The following ZFAND3 variants were observed in gnomAD, a reference collection of about 807,000 sequenced individuals.
ZFAND3 encodes zinc finger AN1-type containing 3.
A neutral mutation model predicts 29.6 loss-of-function variants in ZFAND3; 10 were observed. The ratio of observed to expected loss-of-function variants is 0.34; its 90% CI spans 0.21 to 0.57. ZFAND3 has a LOEUF of 0.57. Among genes scored for constraint, ZFAND3 ranks in the 20% least tolerant of loss-of-function variants. ZFAND3 has a pLI of 0.86. For synonymous variants in ZFAND3, 128 were observed against 112.6 expected (o/e 1.14, Z -0.87); for missense variants, 230 against 304.5 (o/e 0.76, Z 1.82).
At chr6:38,072,136 TTCTCTCTC>T (rs56193979) in intron 3 of ZFAND3, among the ~76,000 whole-genome samples, 17 of 131,474 alleles carry the variant, frequency 1.3e-4, no homozygotes, top group African/African-American at 1.9e-4. Flanking sequence ...CATTTTCTGT[TTCTCTCTC>T]TCTCTCTCTC....
intron 1 of ZFAND3, among the ~76,000 whole-genome samples, chr6:37,836,991 C>T (rs532133024): frequency 6.6e-6 from 1 of 152,268 alleles, no homozygotes; most frequent in South Asian, 2.1e-4. Context: ...TTTCTGAAGT[C>T]TTTCCAATTG....
chr6:38,080,386 AG>A (rs1279934156), intron 3 of ZFAND3, among the ~76,000 whole-genome samples: 2 of 152,040 alleles, frequency 1.3e-5, no homozygotes, highest in Non-Finnish European at 2.9e-5. Context: ...AACGTTATTA[AG>A]CATTCACTGT....
At position 37,920,052 on chromosome 6, in the gene ZFAND3, C is replaced by CTTT. The variant is rs11389241; in HGVS notation, c.72-9888_72-9886dup. Among the ~76,000 whole-genome samples, 387 of 93,336 alleles carry CTTT rather than the reference C, an allele frequency of 4.1e-3. 7 individuals carry two copies. The highest frequency in any genetic ancestry group is 7.9e-3 in the African/African-American group (203 of 25,838). The allele number at this position is 93,336 out of a possible 152,430, so 61.2% of individuals were successfully genotyped here. ...TCTCACTTCCAGGTTTTTTTTGAAG[C>CTTT]TTTTTTTTTTTTTTTTTTTTTGGCC... On this transcript the variant is annotated intron_variant, in intron 1 of 5. Transcript: ENST00000287218.
chr6:37,934,258 C>G (rs1761654031), intron 2 of ZFAND3, among the ~76,000 whole-genome samples: 1 of 151,922 alleles, frequency 6.6e-6, no homozygotes, highest in Non-Finnish European at 1.5e-5. Context: ...TCTCAGCTCA[C>G]TGCAGCCTCT....
chr6:37,841,476 TTTTTGTTTTG>T (rs965804785), intron 1 of ZFAND3, among the ~76,000 whole-genome samples: 2 of 152,044 alleles, frequency 1.3e-5, no homozygotes, highest in African/African-American at 4.8e-5. Context: ...TGTTTTTAAG[TTTTTGTTTTG>T]TTTTGTTTTG....
intron 1 of ZFAND3, among the ~76,000 whole-genome samples, chr6:37,901,085 G>A (rs1010970701): frequency 7.2e-5 from 11 of 152,200 alleles, no homozygotes; most frequent in Admixed American, 7.2e-4. Flanking sequence ...TGAAAGATAG[G>A]CTACTGTGGT....
chr6:38,052,881 C>T (rs1286045663), intron 2 of ZFAND3, among the ~76,000 whole-genome samples: 1 of 151,632 alleles, frequency 6.6e-6, no homozygotes, highest in Non-Finnish European at 1.5e-5. Context: ...CTACTAAAAA[C>T]ACAAAACTTA....
intron 1 of ZFAND3, among the ~76,000 whole-genome samples, chr6:37,860,696 A>G (rs887550710): frequency 1.6e-5 from 2 of 124,926 alleles, no homozygotes; most frequent in Non-Finnish European, 3.3e-5. Flanking sequence ...TATACCATAT[A>G]TTTACTCTTC....
chr6:38,006,413 G>C (rs747282575), intron 2 of ZFAND3, among the ~76,000 whole-genome samples: 1 of 152,090 alleles, frequency 6.6e-6, no homozygotes, highest in African/African-American at 2.4e-5. Context: ...CTAATTAAGA[G>C]GCTGTCCTTT....
intron 1 of ZFAND3, among the ~76,000 whole-genome samples, chr6:37,872,425 A>G (rs1272813739): frequency 6.6e-6 from 1 of 152,084 alleles, no homozygotes; most frequent in Non-Finnish European, 1.5e-5. Context: ...CTGGAAGTGG[A>G]ACTTGTTTTT....
At chr6:38,142,259 G>T (rs1174634148) in intron 5 of ZFAND3, 2 of 471,360 alleles carry the variant, frequency 4.2e-6, no homozygotes, top group African/African-American at 4.0e-5. Flanking sequence ...TCTTTTCCAG[G>T]TGTTTCTCTG....
At chr6:38,100,609 A>G (rs944788668) in intron 4 of ZFAND3, among the ~76,000 whole-genome samples, 21 of 152,222 alleles carry the variant, frequency 1.4e-4, no homozygotes, top group African/African-American at 5.1e-4. Context: ...TACCAGCTAC[A>G]AACATGTTGT....
chr6:38,132,647 C>T (rs1406143680), intron 5 of ZFAND3, among the ~76,000 whole-genome samples: 1 of 152,226 alleles, frequency 6.6e-6, no homozygotes, highest in Non-Finnish European at 1.5e-5. Flanking sequence ...AGCCATCCAT[C>T]TGGTGCCAGT....
At chr6:37,851,218 C>T (rs1764274445) in intron 1 of ZFAND3, among the ~76,000 whole-genome samples, 1 of 150,770 alleles carries the variant, frequency 6.6e-6, no homozygotes, top group African/African-American at 2.4e-5. Context: ...AACTCCTGAC[C>T]TCAGGTGATC....
chr6:37,914,401 C>A (rs947705686), intron 1 of ZFAND3, among the ~76,000 whole-genome samples: 6 of 152,166 alleles, frequency 3.9e-5, no homozygotes, highest in African/African-American at 1.4e-4. Context: ...GGCTGGGGTG[C>A]TGGAGCGCAG....
At chr6:38,008,876 C>A (rs1763097057) in intron 2 of ZFAND3, among the ~76,000 whole-genome samples, 1 of 152,002 alleles carries the variant, frequency 6.6e-6, no homozygotes, top group African/African-American at 2.4e-5. Flanking sequence ...AAAAAAATCA[C>A]AATGGGATTT....
intron 2 of ZFAND3, among the ~76,000 whole-genome samples, chr6:37,958,281 C>G (rs973496241): frequency 6.6e-5 from 10 of 152,060 alleles, no homozygotes; most frequent in African/African-American, 2.4e-4. Flanking sequence ...TGGGGAAACC[C>G]CATCTCTACT....
At chr6:38,134,041 G>A (rs1002094699) in intron 5 of ZFAND3, among the ~76,000 whole-genome samples, 1 of 152,180 alleles carries the variant, frequency 6.6e-6, no homozygotes, top group Non-Finnish European at 1.5e-5. Flanking sequence ...TGGTAAAAAT[G>A]TATGTACCTG....
At chr6:38,017,736 T>G (rs1763276800) in intron 2 of ZFAND3, among the ~76,000 whole-genome samples, 1 of 152,182 alleles carries the variant, frequency 6.6e-6, no homozygotes, top group Admixed American at 6.5e-5. Flanking sequence ...TAGATGTATA[T>G]TTCAGTCTTC....
Sources: gnomAD v4.1 joint callset for allele counts (sites outside exome capture counted in the v4.1 genomes callset) on GRCh38, gnomAD v4.1.1 for gene constraint, MANE v1.5 for transcripts, NCBI Gene and HGNC (gene_info 2026-07-23, HGNC 2026-07-21) for gene names.